SV2C: variants seen among roughly 807,000 people sequenced by gnomAD.
The protein encoded by SV2C is synaptic vesicle glycoprotein 2C.
SV2C carries 49 observed loss-of-function variants against 79.7 expected under a neutral mutation model. That is an observed-to-expected ratio of 0.61 (90% CI 0.49 to 0.78). The LOEUF is 0.78. Ranked by LOEUF, SV2C falls within the 30% of genes least tolerant of loss-of-function variation. The pLI, the probability that SV2C is intolerant of heterozygous loss-of-function variation, is 0.00. For missense variants in SV2C, 833 were observed against 912.9 expected (o/e 0.91, Z 1.13); for synonymous variants, 334 against 333.2 (o/e 1.00, Z -0.03).
the SV2C span, among the ~76,000 whole-genome samples, chr5:75,900,459 G>T: frequency 6.6e-6 from 1 of 152,138 alleles, no homozygotes; most frequent in Non-Finnish European, 1.5e-5. Flanking sequence ...GCTTCCCTTT[G>T]TGGGTAACCC....
intron 4 of SV2C, among the ~76,000 whole-genome samples, chr5:76,252,123 TTTG>T (rs1327836144): frequency 6.6e-6 from 1 of 152,174 alleles, no homozygotes; most frequent in Admixed American, 6.5e-5. Flanking sequence ...TGATGCTTTT[TTTG>T]TTGTTGTTTT....
the SV2C span, among the ~76,000 whole-genome samples, chr5:75,922,465 G>T: frequency 1.6e-3 from 237 of 152,296 alleles, 2 homozygotes; most frequent in Middle Eastern, 0.014. Flanking sequence ...TATAGCAACT[G>T]CTATAGGCAA....
the SV2C span, among the ~76,000 whole-genome samples, chr5:75,896,715 C>T: frequency 5.3e-5 from 8 of 150,610 alleles, no homozygotes; most frequent in Non-Finnish European, 1.5e-5. Context: ...TTCTCCACAT[C>T]CTCTCCAGCA....
the SV2C span, among the ~76,000 whole-genome samples, chr5:75,890,944 A>C: frequency 6.6e-6 from 1 of 151,984 alleles, no homozygotes; most frequent in East Asian, 1.9e-4. Context: ...TAGAGTCAAG[A>C]TATTACTGCA....
At chr5:75,999,513 CCG>C in the SV2C span, among the ~76,000 whole-genome samples, 8 of 151,946 alleles carry the variant, frequency 5.3e-5, no homozygotes, top group African/African-American at 1.5e-4. Context: ...GTAATTCTGC[CCG>C]TGTCCAAAGC....
chr5:76,035,990 C>T, the SV2C span, among the ~76,000 whole-genome samples: 2 of 152,136 alleles, frequency 1.3e-5, no homozygotes, highest in Non-Finnish European at 2.9e-5. Context: ...GATCCCTTTA[C>T]CATTATGTAA....
rs150324565 is a variant in SV2C at position 76,215,084 on chromosome 5, T to G, written c.913+5197T>G. 2.1e-3 allele frequency among the ~76,000 whole-genome samples: 323 copies of G among 152,324 alleles called. 1 individual carries two copies. Among genetic ancestry groups the G allele is most frequent in the African/African-American group, 5.7e-3 (239 of 41,572 alleles). On this transcript the variant is annotated intron_variant, in intron 4 of 12. Coordinates refer to ENST00000502798, the MANE Select transcript of SV2C (RefSeq NM_014979.4). ...AGAAATGACAAGAGTCTTCCTAGTC[T>G]TAGAGGGAAAGCTTTTAGATTTTCA...
At chr5:76,004,891 A>G in the SV2C span, among the ~76,000 whole-genome samples, 3 of 152,208 alleles carry the variant, frequency 2.0e-5, no homozygotes, top group Non-Finnish European at 4.4e-5. Flanking sequence ...CTGGAATAAG[A>G]GAAGCCACAG....
the SV2C span, among the ~76,000 whole-genome samples, chr5:75,859,999 T>G: frequency 6.6e-6 from 1 of 152,150 alleles, no homozygotes; most frequent in Non-Finnish European, 1.5e-5. Flanking sequence ...CCTCCGAAGC[T>G]CCGGTCCCCT....
At chr5:76,118,560 T>A (rs1033670184) in intron 1 of SV2C, among the ~76,000 whole-genome samples, 12 of 152,198 alleles carry the variant, frequency 7.9e-5, no homozygotes, top group Non-Finnish European at 1.5e-4. Context: ...ACCTTTTTTT[T>A]AAACTAATCT....
chr5:76,153,101 G>A (rs1004164893), intron 2 of SV2C, among the ~76,000 whole-genome samples: 1 of 152,312 alleles, frequency 6.6e-6, no homozygotes. Context: ...GCCTGGGAAC[G>A]TTGCTTCCTC....
the SV2C span, among the ~76,000 whole-genome samples, chr5:76,026,812 G>A: frequency 1.2e-4 from 19 of 152,280 alleles, 1 homozygote; most frequent in East Asian, 3.5e-3. Context: ...AGAGCAGACG[G>A]TGCTACAACG....
chr5:76,073,546 C>T, the SV2C span, among the ~76,000 whole-genome samples: 2,119 of 68,544 alleles, frequency 0.031, 30 homozygotes, highest in Admixed American at 0.058. Flanking sequence ...TATATATATA[C>T]ACCATGGAAT....
chr5:76,049,905 TA>T, the SV2C span, among the ~76,000 whole-genome samples: 1 of 152,228 alleles, frequency 6.6e-6, no homozygotes, highest in Admixed American at 6.5e-5. Context: ...AAATTCTCAG[TA>T]AAACAGTACA....
At chr5:75,895,567 G>A in the SV2C span, among the ~76,000 whole-genome samples, 2 of 152,028 alleles carry the variant, frequency 1.3e-5, no homozygotes, top group African/African-American at 2.4e-5. Flanking sequence ...GATTAGAGTC[G>A]GGATGATGGA....
At chr5:76,058,336 CA>C in the SV2C span, among the ~76,000 whole-genome samples, 1 of 152,088 alleles carries the variant, frequency 6.6e-6, no homozygotes, top group African/African-American at 2.4e-5. Flanking sequence ...TGGAGTGCAC[CA>C]AATTCCCCCA....
chr5:76,309,285 G>C (rs561324156), intron 12 of SV2C, among the ~76,000 whole-genome samples: 3 of 152,202 alleles, frequency 2.0e-5, no homozygotes, highest in Admixed American at 2.0e-4. Flanking sequence ...AGAAGGCAGG[G>C]AGGCTGGTTA....
the SV2C span, among the ~76,000 whole-genome samples, chr5:75,990,943 G>GTAAA: frequency 6.6e-6 from 1 of 151,920 alleles, no homozygotes; most frequent in Non-Finnish European, 1.5e-5. Flanking sequence ...AGACTGCCAG[G>GTAAA]TAAAGCTTTT....
intron 2 of SV2C, among the ~76,000 whole-genome samples, chr5:76,134,930 A>G (rs1749019484): frequency 6.6e-6 from 1 of 152,228 alleles, no homozygotes; most frequent in Non-Finnish European, 1.5e-5. Flanking sequence ...TCTCTATCCA[A>G]GGAAGTTATA....
Sources: allele counts gnomAD v4.1 joint callset (sites outside exome capture counted in the v4.1 genomes callset), GRCh38; gene constraint gnomAD v4.1.1; transcripts MANE v1.5; gene names NCBI Gene and HGNC (gene_info 2026-07-23, HGNC 2026-07-21).